The following UBE3B variants were observed in gnomAD, a reference collection of about 807,000 sequenced individuals.
UBE3B encodes ubiquitin-protein ligase E3B.
UBE3B carries 80 observed loss-of-function variants against 132.3 expected under a neutral mutation model. The ratio of observed to expected loss-of-function variants is 0.60; its 90% CI spans 0.50 to 0.73. The LOEUF is 0.73. Among genes scored for constraint, UBE3B ranks in the 30% least tolerant of loss-of-function variants. UBE3B has a pLI of 0.00. For missense variants in UBE3B, 1,196 were observed against 1,362.5 expected (o/e 0.88, Z 1.92); for synonymous variants, 487 against 520.4 (o/e 0.94, Z 0.87).
rs751856458 is a variant in UBE3B at position 109,530,561 on chromosome 12, A to G, written c.2825A>G (p.Tyr942Cys). Residue 942 changes from tyrosine to cysteine, a missense_variant, in exon 26 of 28, where the codon TAC (tyrosine) becomes TGC (cysteine). Coordinates refer to ENST00000342494, the MANE Select transcript of UBE3B (RefSeq NM_130466.4). Reference sequence around the variant, plus strand: ...ATTGCTTTCAGGAAGCACACAGTCTACTACGGTGGTTTCCATGGAAGTCAC... The same window carrying G: ...ATTGCTTTCAGGAAGCACACAGTCTGCTACGGTGGTTTCCATGGAAGTCAC... ...DLEDLKKHTV[Y>C]YGGFHGSHRV... 1 of 1,614,164 alleles carries G rather than the reference A, an allele frequency of 6.2e-7. No individual in the cohort carries two copies.
chr12:109,499,807 A>T lies in UBE3B; in HGVS notation c.1115A>T (p.Tyr372Phe), dbSNP rs769627683. The T allele has an allele frequency of 7.5e-6, 12 of 1,601,712 alleles. No homozygotes were observed. The highest frequency in any genetic ancestry group is 1.0e-5 in the Non-Finnish European group (12 of 1,173,280). Residue 372 changes from tyrosine to phenylalanine, a missense_variant, in exon 12 of 28, where the codon TAT becomes TTT. Tyr to Phe is a conservative substitution (Grantham distance 22). Transcript: ENST00000342494. Reference sequence around the variant, plus strand: ...GGCTGGTTCTCCCAATCTGTGGATTATGGGTGAGTCCCAGATGCAAATCAC... The same window carrying T: ...GGCTGGTTCTCCCAATCTGTGGATTTTGGGTGAGTCCCAGATGCAAATCAC... ...VLGWFSQSVD[Y>F]GLNESMHLIT... is the part of the protein sequence containing the mutation.
chr12:109,531,825 C>T (rs1157954761), intron 26 of UBE3B, among the ~76,000 whole-genome samples: 1 of 152,096 alleles, frequency 6.6e-6, no homozygotes, highest in Non-Finnish European at 1.5e-5. Flanking sequence ...ACGGCTCACG[C>T]TGGCCCCTCC....
chr12:109,535,119 T>C lies in UBE3B; in HGVS notation c.*337T>C, dbSNP rs577203772. ...TTTCCTTAGCCGTCTGAGTGAGCTG[T>C]GTATGAACAAGTCCCAGGAGTTCCA... On this transcript the variant is annotated 3_prime_UTR_variant, in exon 28 of 28. Transcript: ENST00000342494. 1 of 212,188 alleles carries C rather than the reference T, an allele frequency of 4.7e-6. No homozygotes were observed. Among genetic ancestry groups the C allele is most frequent in the East Asian group, 1.0e-4 (1 of 9,600 alleles). 13.1% of individuals were successfully genotyped at this position (212,188 alleles called of 1,614,324 possible). A position where few individuals can be genotyped will look rare whatever the true frequency, so the allele number is the denominator to read the frequency against.
At chr12:109,480,987 TA>T (rs906067778) in intron 1 of UBE3B, among the ~76,000 whole-genome samples, 3 of 150,684 alleles carry the variant, frequency 2.0e-5, no homozygotes, top group African/African-American at 7.3e-5. Context: ...CCATTATCAT[TA>T]AAAATGTCAA....
chr12:109,483,212 T>C (rs1056045131), intron 2 of UBE3B, among the ~76,000 whole-genome samples: 1 of 152,224 alleles, frequency 6.6e-6, no homozygotes. Context: ...TAGAGCTTTA[T>C]GGGTGGGACT....
At chr12:109,482,299 A>G (rs1875611783) in intron 2 of UBE3B, among the ~76,000 whole-genome samples, 1 of 152,182 alleles carries the variant, frequency 6.6e-6, no homozygotes, top group Non-Finnish European at 1.5e-5. Flanking sequence ...ACATTGTACC[A>G]ATAAATAATT....
intron 9 of UBE3B, chr12:109,491,864 C>G (rs1877511627): frequency 6.6e-6 from 1 of 152,184 alleles, no homozygotes; most frequent in Admixed American, 6.5e-5. Context: ...TAGCAGGACC[C>G]CATGGGCTTA....
At chr12:109,512,012 A>C (rs996205933) in intron 18 of UBE3B, among the ~76,000 whole-genome samples, 4 of 152,112 alleles carry the variant, frequency 2.6e-5, no homozygotes, top group African/African-American at 7.2e-5. Context: ...TGGCTTGGGT[A>C]CTTGGGGGGT....
intron 1 of UBE3B, among the ~76,000 whole-genome samples, chr12:109,480,264 T>C (rs1875145992): frequency 2.6e-5 from 4 of 151,774 alleles, no homozygotes; most frequent in South Asian, 4.2e-4. Flanking sequence ...CACTCTACAA[T>C]GTGCACTCAA....
Position 109,534,873 on chromosome 12 carries a change from GC to G in UBE3B, c.*93del. The stretch of plus-strand genomic sequence containing the variant: ...GTGGTCCTGGGAATGTGACCAACAT[GC>G]CAGGTGACATTGGCCCCTAGACCCT... On this transcript the variant is annotated 3_prime_UTR_variant, in exon 28 of 28. Transcript: ENST00000342494. The surrounding 1 kb of genome is among the most constrained non-coding windows in gnomAD (Gnocchi z 5.2). The G allele has an allele frequency of 1.7e-6, 2 of 1,173,652 alleles. No homozygotes were observed. Among genetic ancestry groups the G allele is most frequent in the Non-Finnish European group, 2.4e-6 (2 of 850,946 alleles). The allele number at this position is 1,173,652 out of a possible 1,614,324, so 72.7% of individuals were successfully genotyped here.
chr12:109,488,381 T>C (rs183755079), intron 6 of UBE3B, among the ~76,000 whole-genome samples, 191 bp from the exon 7 acceptor site: 2 of 152,198 alleles, frequency 1.3e-5, no homozygotes, highest in African/African-American at 4.8e-5. Context: ...TATCAGGCAC[T>C]AGAGTGCCAC....
chr12:109,537,546 A>C (rs1883498953), downstream of UBE3B, among the ~76,000 whole-genome samples: 1 of 152,330 alleles, frequency 6.6e-6, no homozygotes, highest in East Asian at 1.9e-4. Context: ...CTCAACACCC[A>C]AGAAGAATTC....
intron 27 of UBE3B, chr12:109,533,957 G>C (rs375121190): frequency 1.5e-6 from 2 of 1,306,638 alleles, no homozygotes; most frequent in Non-Finnish European, 2.0e-6. Flanking sequence ...GGCTGTGCAC[G>C]TCCAGGCTCG....
At chr12:109,545,490 C>T in the UBE3B span, among the ~76,000 whole-genome samples, 4 of 152,218 alleles carry the variant, frequency 2.6e-5, no homozygotes, top group African/African-American at 9.6e-5. Context: ...TAGTGCTGTG[C>T]TATTCTGATG....
chr12:109,498,423 C>G, intron 11 of UBE3B, 70 bp downstream of exon 11: 1 of 1,549,690 alleles, frequency 6.5e-7, no homozygotes, highest in Non-Finnish European at 8.8e-7. Flanking sequence ...TTGCCTGTCA[C>G]TATTCTAGAG....
Position 109,524,054 on chromosome 12 carries a change from G to C in UBE3B, c.2441G>C (p.Ser814Thr). ...GGGCACCACCACAGCGTCTTCTATA[G>C]CTCGGTGGATGAACTGCCTTCTCTG... is the stretch of plus-strand genomic sequence containing the variant. ...LLGHHHSVFYSSVDELPSLDS... is the reference protein window; with the variant it reads ...LLGHHHSVFYTSVDELPSLDS... The change falls in exon 22 of 28, where the codon AGC becomes ACC. Residue 814 changes from serine (S) to threonine (T), a missense_variant. Coordinates refer to ENST00000342494, the MANE Select transcript of UBE3B (RefSeq NM_130466.4). The C allele has an allele frequency of 1.9e-6, 3 of 1,614,162 alleles. No individual in the cohort carries two copies. The highest frequency in any genetic ancestry group is 2.5e-6 in the Non-Finnish European group (3 of 1,180,034).
intron 6 of UBE3B, among the ~76,000 whole-genome samples, chr12:109,486,890 C>T (rs1876576908): frequency 6.6e-6 from 1 of 152,114 alleles, no homozygotes; most frequent in African/African-American, 2.4e-5. Context: ...GTTAAAAGTA[C>T]AGAAGCCGAA....
intron 15 of UBE3B, among the ~76,000 whole-genome samples, chr12:109,508,064 A>G (rs1432397789): frequency 6.6e-6 from 1 of 152,096 alleles, no homozygotes; most frequent in Non-Finnish European, 1.5e-5. Flanking sequence ...GAAAATTCCA[A>G]AGTCAGAGCC....
rs111609815 is a variant in UBE3B at position 109,498,219 on chromosome 12, G to A, written c.820-14G>A. 7.0e-3 allele frequency: 11,342 copies of A among 1,613,630 alleles called. 55 individuals are homozygous for A. The highest frequency in any genetic ancestry group is 8.9e-3 in the Non-Finnish European group (10,486 of 1,179,796). On this transcript the variant is annotated splice_polypyrimidine_tract_variant and intron_variant, in intron 10 of 27. Transcript: ENST00000342494. ...CTGGCAGTTTCTGATTTAACGGTCTGCTATTCTTTGCAGCGCCTCACTGTT... is the reference window on the plus strand; with the variant it reads ...CTGGCAGTTTCTGATTTAACGGTCTACTATTCTTTGCAGCGCCTCACTGTT...
Sources: gnomAD v4.1 joint callset for allele counts (sites outside exome capture counted in the v4.1 genomes callset) on GRCh38, gnomAD v4.1.1 for gene constraint, Gnocchi (gnomAD v3.1) non-coding constraint, MANE v1.5 for transcripts, NCBI Gene and HGNC (gene_info 2026-07-23, HGNC 2026-07-21) for gene names.